CEP192: variants seen among roughly 807,000 people sequenced by gnomAD.
The protein encoded by CEP192 is centrosomal protein 192.
Under a neutral mutation model 271.8 loss-of-function variants are expected in CEP192, and 151 were observed. The ratio of observed to expected loss-of-function variants is 0.56; its 90% CI spans 0.49 to 0.64. The LOEUF (loss-of-function observed/expected upper bound fraction) is 0.64. Ranked by LOEUF, CEP192 falls within the 30% of genes least tolerant of loss-of-function variation. The pLI is 0.00. For synonymous variants in CEP192, 995 were observed against 1,076.5 expected (o/e 0.92, Z 1.48); for missense variants, 2,910 against 3,020.5 (o/e 0.96, Z 0.86).
chr18:13,017,525 G>GA (rs1432809109), intron 7 of CEP192, among the ~76,000 whole-genome samples, 189 bp downstream of exon 7: 1 of 148,442 alleles, frequency 6.7e-6, no homozygotes, highest in Non-Finnish European at 1.5e-5. Flanking sequence ...CTCACCTACA[G>GA]AAAATTAAAG....
At chr18:13,011,886 T>C (rs763684357) in intron 4 of CEP192, among the ~76,000 whole-genome samples, 16 of 152,094 alleles carry the variant, frequency 1.1e-4, no homozygotes, top group Non-Finnish European at 2.2e-4. Context: ...AGCCAAAAAG[T>C]GGAAGCAATT....
At chr18:13,077,855 T>C (rs951961952) in intron 30 of CEP192, among the ~76,000 whole-genome samples, 7 of 152,234 alleles carry the variant, frequency 4.6e-5, no homozygotes, top group African/African-American at 1.7e-4. Flanking sequence ...ACATACACTA[T>C]CACTTAGATT....
chr18:13,012,071 T>G (rs1221461435), intron 4 of CEP192, among the ~76,000 whole-genome samples: 1 of 152,258 alleles, frequency 6.6e-6, no homozygotes, highest in Non-Finnish European at 1.5e-5. Flanking sequence ...TGTATGGTTC[T>G]GTTTATCCAT....
Position 13,103,517 on chromosome 18 carries a change from C to A in CEP192, c.6880C>A (p.Leu2294Ile), listed in dbSNP as rs1402405797. ...TEPGETSESC[L>I]ELENHGTTDV... ...ATATGTGTTCCTTTTAGAGAGCTGT[C>A]TAGAACTCGAGAATCATGGCACCAC... The change falls in exon 39 of 45, where the codon CTA becomes ATA. Residue 2294 changes from leucine (L) to isoleucine (I), a missense_variant. Coordinates refer to ENST00000506447, the MANE Select transcript of CEP192 (RefSeq NM_032142.4). The A allele has an allele frequency of 1.9e-6, 3 of 1,613,480 alleles. No homozygotes were observed. Among genetic ancestry groups the A allele is most frequent in the Non-Finnish European group, 1.7e-6 (2 of 1,179,568 alleles).
intron 21 of CEP192, among the ~76,000 whole-genome samples, chr18:13,064,305 C>T (rs2037569779): frequency 6.6e-6 from 1 of 151,404 alleles, no homozygotes; most frequent in African/African-American, 2.4e-5. Flanking sequence ...GTTCTTGGCA[C>T]CTTTGTCAAA....
In CEP192 at chr18:13,006,418, T is replaced by C. The variant is rs143509169; in HGVS notation, c.291-2038T>C. On this transcript the variant is annotated intron_variant, in intron 3 of 44. Transcript: ENST00000506447. Reference sequence around the variant, plus strand: ...AGTATTCATGGATGTGAAACCCGAGTGTAGTCAGTGCTAACTGTAGGACTT... The same window carrying C: ...AGTATTCATGGATGTGAAACCCGAGCGTAGTCAGTGCTAACTGTAGGACTT... Among the ~76,000 whole-genome samples the C allele has an allele frequency of 3.3e-5, 5 of 152,146 alleles. No individual in the cohort carries two copies. In the East Asian group the frequency reaches 9.7e-4, roughly 29 times the overall value.
intron 9 of CEP192, among the ~76,000 whole-genome samples, chr18:13,022,565 G>A (rs1198955992): frequency 6.6e-6 from 1 of 152,026 alleles, no homozygotes; most frequent in East Asian, 1.9e-4. Context: ...ATTTTTAGTA[G>A]AGATGAGGTT....
chr18:12,993,388 C>T (rs1309812865), intron 1 of CEP192, among the ~76,000 whole-genome samples: 1 of 152,164 alleles, frequency 6.6e-6, no homozygotes, highest in Non-Finnish European at 1.5e-5. Flanking sequence ...CAGGACCTGC[C>T]CTTGCCCCAG....
chr18:13,058,461 G>C (rs530958096), intron 20 of CEP192: 1 of 152,474 alleles, frequency 6.6e-6, no homozygotes, highest in Non-Finnish European at 1.5e-5. Flanking sequence ...CTCCCCCTAC[G>C]CCGTCTTGGC....
rs2037077609 is a variant in CEP192, at chr18:13,056,049, A to G, written c.3459A>G (p.Val1153=). The G allele has an allele frequency of 1.2e-6, 2 of 1,614,206 alleles. No homozygotes were observed. Among genetic ancestry groups the G allele is most frequent in the Non-Finnish European group, 1.7e-6 (2 of 1,180,030 alleles). ...GAAATCTGTTGGAAACCAGTGAGGT[A>G]GGTTGGACATCAAACCCTGAGGAAT... is the stretch of plus-strand genomic sequence containing the variant. ...KSGNLLETSE[V]GWTSNPEELD... is the part of the protein sequence containing the mutation. The change falls in exon 19 of 45, where the codon GTA becomes GTG. Residue 1153 remains valine, a synonymous_variant. Transcript: ENST00000506447.
rs1388677316 is a variant in CEP192, at chr18:13,056,051, G to A, written c.3461G>A (p.Gly1154Asp). 7 of 1,614,068 alleles carry A rather than the reference G, an allele frequency of 4.3e-6. No homozygotes were observed. In the African/African-American group the frequency reaches 8.0e-5, roughly 18 times the overall value. ...SGNLLETSEV[G>D]WTSNPEELDP... The stretch of plus-strand genomic sequence containing the variant: ...AATCTGTTGGAAACCAGTGAGGTAG[G>A]TTGGACATCAAACCCTGAGGAATTG... Residue 1154 changes from glycine to aspartate, a missense_variant, in exon 19 of 45, where the codon GGT (glycine) becomes GAT (aspartate). Coordinates refer to ENST00000506447, the MANE Select transcript of CEP192 (RefSeq NM_032142.4).
intron 1 of CEP192, among the ~76,000 whole-genome samples, chr18:12,996,266 C>T (rs1171810292): frequency 1.3e-5 from 2 of 151,986 alleles, no homozygotes; most frequent in African/African-American, 2.4e-5. Context: ...TAATGTATAA[C>T]TCTAGAGATT....
rs890825405 is a variant in CEP192 at position 13,099,617 on chromosome 18, G to C, written c.6663+36G>C. The C allele has an allele frequency of 5.9e-6, 6 of 1,017,924 alleles. No individual in the cohort carries two copies. In the African/African-American group the frequency reaches 9.8e-5, roughly 17 times the overall value. The allele number at this position is 1,017,924 out of a possible 1,614,324, so 63.1% of individuals were successfully genotyped here. The stretch of plus-strand genomic sequence containing the variant: ...AAGTGGTTTGGTTTTTTTTTTGAGT[G>C]ACAATTCTGTTTGTAGCTTCAGTTT... On this transcript the variant is annotated intron_variant, in intron 37 of 44. Transcript: ENST00000506447.
chr18:13,071,511 A>C (rs1196609659), intron 28 of CEP192, among the ~76,000 whole-genome samples: 1 of 152,194 alleles, frequency 6.6e-6, no homozygotes, highest in Admixed American at 6.5e-5. Context: ...AGATTTATGG[A>C]GAGCTGCATA....
Position 13,001,463 on chromosome 18 carries a change from T to A in CEP192, c.171T>A (p.Pro57=). The A allele has an allele frequency of 6.5e-7, 1 of 1,540,138 alleles. No individual in the cohort carries two copies. The highest frequency in any genetic ancestry group is 8.8e-7 in the Non-Finnish European group (1 of 1,140,030). ...ACAAATTTTTTTTGTATAGGTATCCTGATATCCAGGCATCTTACTTAGTAG... is the reference window on the plus strand; with the variant it reads ...ACAAATTTTTTTTGTATAGGTATCCAGATATCCAGGCATCTTACTTAGTAG... The part of the protein sequence containing the change: ...RDRSSTDNRY[P]DIQASYLVEG... Residue 57 remains proline, a synonymous_variant, in exon 3 of 45, where the codon CCT becomes CCA. Transcript: ENST00000506447.
chr18:13,004,894 G>C lies in CEP192; in HGVS notation c.290+3312G>C, dbSNP rs1036613049. Among the ~76,000 whole-genome samples, 10 of 152,294 alleles carry C rather than the reference G, an allele frequency of 6.6e-5. No individual in the cohort carries two copies. In the Middle Eastern group the frequency reaches 0.01, roughly 155 times the overall value. The stretch of plus-strand genomic sequence containing the variant: ...AGGGAGTGAGGGACAAGGTTGCTGA[G>C]GATGTAAGATTGGCCATGTAAGATT... On this transcript the variant is annotated intron_variant, in intron 3 of 44. Transcript: ENST00000506447.
At chr18:13,096,032 C>T (rs984701168) in intron 35 of CEP192, 152 bp from the exon 36 acceptor site, 11 of 793,342 alleles carry the variant, frequency 1.4e-5, no homozygotes, top group Admixed American at 2.9e-5. Context: ...TCTTTGTTTA[C>T]TACCAAGGAT....
At chr18:13,098,880 C>T (rs1209294753) in intron 36 of CEP192, among the ~76,000 whole-genome samples, 1 of 152,152 alleles carries the variant, frequency 6.6e-6, no homozygotes, top group Admixed American at 6.5e-5. Context: ...TGCACTCCAG[C>T]CTGGGCACCA....
chr18:13,049,470 C>A lies in CEP192; in HGVS notation c.2679C>A (p.Asn893Lys). Reference protein sequence around the residue: ...SIDNKLQDVGNDEKATSISTP... With the variant: ...SIDNKLQDVGKDEKATSISTP... ...ACAACAAATTACAAGATGTTGGTAA[C>A]GATGAAAAAGCTACCTCAATTTCCA... The change falls in exon 16 of 45, where the codon AAC becomes AAA. Residue 893 changes from asparagine to lysine, a missense_variant. Coordinates refer to ENST00000506447, the MANE Select transcript of CEP192 (RefSeq NM_032142.4). 6.2e-7 allele frequency: 1 copy of A among 1,613,992 alleles called. No individual in the cohort carries two copies. The highest frequency in any genetic ancestry group is 1.1e-5 in the South Asian group (1 of 91,066).
Sources: gnomAD v4.1 joint callset for allele counts (sites outside exome capture counted in the v4.1 genomes callset) on GRCh38, gnomAD v4.1.1 for gene constraint, MANE v1.5 for transcripts, NCBI Gene and HGNC (gene_info 2026-07-23, HGNC 2026-07-21) for gene names.